Variants in ITGA1 observed in about 807,000 individuals in gnomAD.
ITGA1 encodes integrin subunit alpha 1.
Under a neutral mutation model 145.9 loss-of-function variants are expected in ITGA1, and 85 were observed. The ratio of observed to expected loss-of-function variants is 0.58; its 90% CI spans 0.49 to 0.70. ITGA1 has a LOEUF of 0.70. Among genes scored for constraint, ITGA1 ranks in the 30% least tolerant of loss-of-function variants. The pLI, the probability that ITGA1 is intolerant of heterozygous loss-of-function variation, is 0.00. For missense variants in ITGA1, 1,351 were observed against 1,418.7 expected, an observed-to-expected ratio of 0.95 and a Z score of 0.77; for synonymous variants, 520 against 495.3, an observed-to-expected ratio of 1.05 and a Z score of -0.66.
At chr5:52,886,112 AAC>A (rs1018358512) in intron 7 of ITGA1, among the ~76,000 whole-genome samples, 8 of 152,206 alleles carry the variant, frequency 5.3e-5, no homozygotes, top group African/African-American at 1.9e-4. Context: ...GTGGGTAAAG[AAC>A]ACAGCCCAGG....
intron 11 of ITGA1, chr5:52,902,135 T>A (rs777170717): frequency 6.6e-6 from 1 of 152,070 alleles, no homozygotes; most frequent in Non-Finnish European, 1.5e-5. Context: ...CTATGAAAAA[T>A]CTTATGAAGG....
chr5:52,875,887 T>G (rs1012547577), intron 6 of ITGA1, among the ~76,000 whole-genome samples: 17 of 146,766 alleles, frequency 1.2e-4, no homozygotes, highest in Non-Finnish European at 2.1e-4. Context: ...GGATTACTGG[T>G]TTTTTTTTTC....
intron 9 of ITGA1, among the ~76,000 whole-genome samples, chr5:52,896,371 A>G (rs943353222): frequency 2.0e-5 from 3 of 152,194 alleles, no homozygotes; most frequent in Admixed American, 2.0e-4. Context: ...TGGACTGAAA[A>G]TACATGTTTA....
At chr5:52,845,771 G>A (rs9291996) in intron 1 of ITGA1, among the ~76,000 whole-genome samples, 2,090 of 152,222 alleles carry the variant, frequency 0.014, 44 homozygotes, top group African/African-American at 0.044. Context: ...TGACCCAAAT[G>A]TGAATAGTTC....
At chr5:52,909,611 A>C (rs747296188) in intron 13 of ITGA1, among the ~76,000 whole-genome samples, 1 of 152,130 alleles carries the variant, frequency 6.6e-6, no homozygotes, top group Non-Finnish European at 1.5e-5. Flanking sequence ...AAATATGTAC[A>C]TTCTCTCCTA....
rs1300017807 is a variant in ITGA1, at chr5:52,937,450, C to T, written c.3014C>T (p.Ser1005Leu). The T allele has an allele frequency of 6.2e-7, 1 of 1,613,790 alleles. No homozygotes were observed. The highest frequency in any genetic ancestry group is 1.7e-5 in the Admixed American group (1 of 60,026). Residue 1005 changes from serine to leucine, a missense_variant, in exon 24 of 29, where the codon TCA becomes TTA. Transcript: ENST00000282588. Reference protein sequence around the residue: ...FPMPELKLSISFPNMTSNGYP... With the variant: ...FPMPELKLSILFPNMTSNGYP... Reference sequence around the variant, plus strand: ...ATGCCAGAGCTTAAGCTGTCAATTTCATTCCCCAATATGACATCAAATGGT... The same window carrying T: ...ATGCCAGAGCTTAAGCTGTCAATTTTATTCCCCAATATGACATCAAATGGT...
chr5:52,832,767 G>GTGTGTGTGTGTGTGTGTGTC (rs1373784400), intron 1 of ITGA1, among the ~76,000 whole-genome samples: 12 of 60,586 alleles, frequency 2.0e-4, no homozygotes, highest in African/African-American at 9.6e-4. Context: ...ATATAAATCT[G>GTGTGTGTGTGTGTGTGTGTC]TGTGTGTGTG....
rs1412050089 is a variant in ITGA1 at position 52,953,010 on chromosome 5, T to A, written c.*559T>A. 2 of 152,130 alleles carry A rather than the reference T, an allele frequency of 1.3e-5. No homozygotes were observed. The highest frequency in any genetic ancestry group is 2.9e-5 in the Non-Finnish European group (2 of 68,016). The allele number at this position is 152,130 out of a possible 1,614,324, so 9.4% of individuals were successfully genotyped here. On this transcript the variant is annotated 3_prime_UTR_variant, in exon 29 of 29. Transcript: ENST00000282588. ...ACCAAGAATACATTTAGCATCTTTG[T>A]GTTGGGTTCTATACCTAAAAATTTT...
intron 20 of ITGA1, among the ~76,000 whole-genome samples, 164 bp downstream of exon 20, chr5:52,927,828 G>T (rs1750834650): frequency 6.6e-6 from 1 of 152,150 alleles, no homozygotes; most frequent in Middle Eastern, 3.2e-3. Flanking sequence ...GAATGTTTGT[G>T]CCCCACCAAA....
chr5:52,861,944 G>A (rs1202314183), intron 3 of ITGA1, among the ~76,000 whole-genome samples: 3 of 151,236 alleles, frequency 2.0e-5, no homozygotes, highest in Non-Finnish European at 2.9e-5. Flanking sequence ...TGGGCTGGGC[G>A]CAGTGTCTCA....
At chr5:52,945,898 T>C (rs923440359) in intron 27 of ITGA1, among the ~76,000 whole-genome samples, 2 of 152,216 alleles carry the variant, frequency 1.3e-5, no homozygotes, top group African/African-American at 4.8e-5. Context: ...AAAGAGCGCT[T>C]AGCATAAGCA....
At chr5:52,856,325 C>T (rs746169730) in intron 2 of ITGA1, among the ~76,000 whole-genome samples, 5 of 152,108 alleles carry the variant, frequency 3.3e-5, no homozygotes, top group Non-Finnish European at 5.9e-5. Flanking sequence ...GCATGCTGTA[C>T]AAGACTCACT....
intron 5 of ITGA1, 100 bp from the exon 6 acceptor site, chr5:52,865,590 G>C: frequency 1.0e-6 from 1 of 972,304 alleles, no homozygotes; most frequent in Non-Finnish European, 1.4e-6. Flanking sequence ...GAGAACATCA[G>C]TTCATCTTTT....
chr5:52,948,117 G>T (rs996947016), intron 28 of ITGA1, among the ~76,000 whole-genome samples: 1 of 152,044 alleles, frequency 6.6e-6, no homozygotes, highest in Non-Finnish European at 1.5e-5. Context: ...GTAATGTTTT[G>T]CTTAGGCTGA....
At chr5:52,864,034 C>A (rs1441406593) in intron 3 of ITGA1, 2 of 152,182 alleles carry the variant, frequency 1.3e-5, no homozygotes, top group East Asian at 3.9e-4. Flanking sequence ...ACAAATCTTT[C>A]TCAACCTGAA....
chr5:52,801,110 A>T, intron 1 of ITGA1: 1 of 1,601,298 alleles, frequency 6.2e-7, no homozygotes, highest in South Asian at 1.1e-5. Flanking sequence ...AACCGGTCCA[A>T]ATTTCTTCAG....
At chr5:52,813,710 A>G (rs1255665550) in intron 1 of ITGA1, among the ~76,000 whole-genome samples, 1 of 152,232 alleles carries the variant, frequency 6.6e-6, no homozygotes, top group Non-Finnish European at 1.5e-5. Flanking sequence ...TCACATGCCC[A>G]CATTCTATGA....
At chr5:52,928,337 A>G (rs907645739) in intron 20 of ITGA1, among the ~76,000 whole-genome samples, 1 of 152,208 alleles carries the variant, frequency 6.6e-6, no homozygotes, top group African/African-American at 2.4e-5. Context: ...GGCCTTCAAG[A>G]AAAAGAATGC....
intron 1 of ITGA1, among the ~76,000 whole-genome samples, chr5:52,840,315 G>A (rs978613532): frequency 6.6e-6 from 1 of 152,140 alleles, no homozygotes; most frequent in Non-Finnish European, 1.5e-5. Flanking sequence ...AGCGTAGTAC[G>A]CCTTTCCGTA....
Sources: allele counts gnomAD v4.1 joint callset (sites outside exome capture counted in the v4.1 genomes callset), GRCh38; gene constraint gnomAD v4.1.1; transcripts MANE v1.5; gene names NCBI Gene and HGNC (gene_info 2026-07-23, HGNC 2026-07-21).